The following TENM4 variants were observed in gnomAD, a reference collection of about 807,000 sequenced individuals.
TENM4 encodes teneurin transmembrane protein 4, also known as teneurin-4.
A neutral mutation model predicts 243.3 loss-of-function variants in TENM4; 82 were observed. That is an observed-to-expected ratio of 0.34 (90% CI 0.28 to 0.40). The LOEUF (loss-of-function observed/expected upper bound fraction) is 0.40. TENM4 is among the 10% of genes least tolerant of loss of function. The pLI, the probability that TENM4 is intolerant of heterozygous loss-of-function variation, is 1.00. For synonymous variants in TENM4, 1,412 were observed against 1,456.3 expected, an observed-to-expected ratio of 0.97 and a Z score of 0.69; for missense variants, 3,138 against 3,673.3, an observed-to-expected ratio of 0.85 and a Z score of 3.77.
At chr11:79,137,160 T>A (rs1015143388) in intron 4 of TENM4, among the ~76,000 whole-genome samples, 2 of 152,142 alleles carry the variant, frequency 1.3e-5, no homozygotes, top group African/African-American at 2.4e-5. Flanking sequence ...GGAGGAGCAC[T>A]GCTATCAAAA....
chr11:79,312,278 A>G (rs1418128063), intron 1 of TENM4, among the ~76,000 whole-genome samples: 1 of 152,218 alleles, frequency 6.6e-6, no homozygotes, highest in Non-Finnish European at 1.5e-5. Flanking sequence ...GCTCACTGCC[A>G]TGGCCCTGGC....
chr11:79,132,101 G>C (rs1209840786), intron 4 of TENM4, among the ~76,000 whole-genome samples: 2 of 151,912 alleles, frequency 1.3e-5, no homozygotes, highest in Non-Finnish European at 2.9e-5. Context: ...TCAGCACTTT[G>C]GGAGGCCAAG....
rs61346145 is a variant in TENM4 at position 78,978,347 on chromosome 11, TAAGAAAAGAAAAGAA to T, written c.494-74839_494-74825del. Among the ~76,000 whole-genome samples, 626 of 137,940 alleles carry T rather than the reference TAAGAAAAGAAAAGAA, an allele frequency of 4.5e-3. 8 individuals are homozygous for T. Among genetic ancestry groups the T allele is most frequent in the South Asian group, 0.024 (94 of 3,982 alleles). 90.5% of individuals were successfully genotyped at this position (137,940 alleles called of 152,430 possible). A position where few individuals can be genotyped will look rare whatever the true frequency, so the allele number is the denominator to read the frequency against. ...TACACATGTACCCCAGAACTTAAAG[TAAGAAAAGAAAAGAA>T]AAGAAAAGAAAAGAAAAGAAAAGAA... On this transcript the variant is annotated intron_variant, in intron 6 of 33. Transcript: ENST00000278550.
intron 17 of TENM4, among the ~76,000 whole-genome samples, chr11:78,777,620 T>C (rs1856763043): frequency 6.6e-6 from 1 of 152,174 alleles, no homozygotes. Flanking sequence ...CATACTAGCC[T>C]TATGAGGTGG....
chr11:79,166,683 T>C (rs773650164), intron 3 of TENM4, among the ~76,000 whole-genome samples: 1 of 152,182 alleles, frequency 6.6e-6, no homozygotes, highest in South Asian at 2.1e-4. Flanking sequence ...GGGAACTGCA[T>C]TCAGTCGGTC....
At chr11:78,899,573 A>AAG (rs1855883492) in intron 7 of TENM4, among the ~76,000 whole-genome samples, 1 of 70,028 alleles carries the variant, frequency 1.4e-5, no homozygotes, top group Admixed American at 1.7e-4. Flanking sequence ...GGGGGGGGGA[A>AAG]AAAGAAAAAA....
intron 9 of TENM4, among the ~76,000 whole-genome samples, chr11:78,885,749 C>G (rs1007507186): frequency 2.6e-5 from 4 of 152,042 alleles, no homozygotes; most frequent in African/African-American, 9.7e-5. Context: ...TAGACCTCAT[C>G]TCTACACACA....
intron 19 of TENM4, among the ~76,000 whole-genome samples, chr11:78,744,201 T>C (rs952192293): frequency 1.1e-4 from 16 of 152,332 alleles, no homozygotes; most frequent in East Asian, 1.9e-4. Context: ...CAGCCTGACA[T>C]TGTCCTCTCT....
chr11:79,069,732 G>A lies in TENM4; in HGVS notation c.213C>T (p.Phe71=), dbSNP rs1416902192. 6.4e-7 allele frequency: 1 copy of A among 1,550,598 alleles called. No individual in the cohort carries two copies. Among genetic ancestry groups the A allele is most frequent in the African/African-American group, 1.4e-5 (1 of 73,178 alleles). The change falls in exon 5 of 34, where the codon TTC becomes TTT. Residue 71 remains phenylalanine, a synonymous_variant. Transcript: ENST00000278550. ...KDIVPQEAEE[F]CRTGANFTLR... ...CGGCCTTGTCCTTACCTGTGCGGCA[G>A]AATTCCTCGGCCTCCTGCGGCACAA...
chr11:79,084,367 G>A (rs1473763527), intron 4 of TENM4, among the ~76,000 whole-genome samples: 2 of 152,148 alleles, frequency 1.3e-5, no homozygotes, highest in Non-Finnish European at 2.9e-5. Flanking sequence ...GTATTCTTGG[G>A]CATTTATCCC....
At chr11:79,294,696 A>G (rs372248001) in intron 2 of TENM4, among the ~76,000 whole-genome samples, 53 of 152,226 alleles carry the variant, frequency 3.5e-4, no homozygotes, top group South Asian at 1.0e-3. Context: ...TAAAAATACA[A>G]AAATTAGCTG....
At chr11:79,121,286 T>C (rs1249451587) in intron 4 of TENM4, among the ~76,000 whole-genome samples, 1 of 152,122 alleles carries the variant, frequency 6.6e-6, no homozygotes, top group East Asian at 1.9e-4. Flanking sequence ...AAAGTGGAAG[T>C]CAAAATAATC....
At chr11:79,372,328 G>A (rs1478374862) in intron 1 of TENM4, among the ~76,000 whole-genome samples, 1 of 152,196 alleles carries the variant, frequency 6.6e-6, no homozygotes, top group Non-Finnish European at 1.5e-5. Context: ...AATGTAATAA[G>A]AGAATCTGCA....
At chr11:79,126,932 A>G (rs1861891296) in intron 4 of TENM4, among the ~76,000 whole-genome samples, 1 of 152,190 alleles carries the variant, frequency 6.6e-6, no homozygotes, top group South Asian at 2.1e-4. Flanking sequence ...ACTGGCTCTG[A>G]GCTGATGCTG....
intron 12 of TENM4, among the ~76,000 whole-genome samples, chr11:78,820,350 C>T (rs117622478): frequency 0.026 from 3,948 of 152,346 alleles, 81 homozygotes; most frequent in Non-Finnish European, 0.037. Flanking sequence ...GGTAGGTGAA[C>T]CTGTCCTATA....
At chr11:79,306,603 A>T (rs1018878472) in intron 1 of TENM4, among the ~76,000 whole-genome samples, 2 of 152,210 alleles carry the variant, frequency 1.3e-5, no homozygotes, top group Non-Finnish European at 2.9e-5. Flanking sequence ...TGGTCACATA[A>T]GGAGCAAGAC....
At chr11:78,891,652 A>C (rs1855669689) in intron 7 of TENM4, among the ~76,000 whole-genome samples, 1 of 152,158 alleles carries the variant, frequency 6.6e-6, no homozygotes, top group South Asian at 2.1e-4. Flanking sequence ...AAATCTTCAA[A>C]ATGGCTATGT....
chr11:78,970,129 C>T (rs956750913), intron 6 of TENM4, among the ~76,000 whole-genome samples: 8 of 152,300 alleles, frequency 5.3e-5, no homozygotes, highest in South Asian at 4.1e-4. Flanking sequence ...GAAAGGTCTG[C>T]GGCTCGTGGA....
At chr11:78,933,743 C>T (rs534353549) in intron 6 of TENM4, among the ~76,000 whole-genome samples, 1 of 152,286 alleles carries the variant, frequency 6.6e-6, no homozygotes, top group African/African-American at 2.4e-5. Flanking sequence ...GGGGGTCTCA[C>T]TCGGCATCCC....
Sources: allele counts gnomAD v4.1 joint callset (sites outside exome capture counted in the v4.1 genomes callset), GRCh38; gene constraint gnomAD v4.1.1; transcripts MANE v1.5; gene names NCBI Gene and HGNC (gene_info 2026-07-23, HGNC 2026-07-21).